Variants in CDK14 observed in about 807,000 individuals in gnomAD.
CDK14 encodes cyclin dependent kinase 14.
Under a neutral mutation model 60.7 loss-of-function variants are expected in CDK14, and 34 were observed. The observed-to-expected ratio is 0.56, with a 90% CI of 0.43 to 0.75. The LOEUF (loss-of-function observed/expected upper bound fraction) is 0.75. Among genes scored for constraint, CDK14 ranks in the 30% least tolerant of loss-of-function variants. The pLI, the probability that CDK14 is intolerant of heterozygous loss-of-function variation, is 0.00. For missense variants in CDK14, 482 were observed against 564.1 expected, an observed-to-expected ratio of 0.85 and a Z score of 1.47; for synonymous variants, 197 against 203.7, an observed-to-expected ratio of 0.97 and a Z score of 0.28.
chr7:91,062,089 C>G (rs895294648), intron 11 of CDK14, among the ~76,000 whole-genome samples: 1 of 152,206 alleles, frequency 6.6e-6, no homozygotes, highest in Non-Finnish European at 1.5e-5. Flanking sequence ...CTACTCAAGC[C>G]TCGGCAATGG....
intron 3 of CDK14, among the ~76,000 whole-genome samples, chr7:90,733,699 T>C (rs947957285): frequency 2.0e-5 from 3 of 152,242 alleles, no homozygotes; most frequent in African/African-American, 7.2e-5. Context: ...AGTGTATGTG[T>C]GTCTTTGCAC....
At chr7:90,625,654 A>C (rs1312906586) in intron 2 of CDK14, among the ~76,000 whole-genome samples, 9 of 152,220 alleles carry the variant, frequency 5.9e-5, no homozygotes. Context: ...TTTCTAAGAG[A>C]GAAGGCTTTG....
At chr7:91,139,832 C>G (rs1426496473) in intron 14 of CDK14, among the ~76,000 whole-genome samples, 1 of 102,662 alleles carries the variant, frequency 9.7e-6, no homozygotes, top group African/African-American at 3.1e-5. Context: ...TTCTTTCTTG[C>G]TCTTCCTTTC....
intron 2 of CDK14, among the ~76,000 whole-genome samples, chr7:90,634,126 G>T (rs893281078): frequency 6.7e-6 from 1 of 149,842 alleles, no homozygotes; most frequent in Non-Finnish European, 1.5e-5. Context: ...TTTCTTTTAT[G>T]ATTTTCTTTT....
chr7:91,034,939 T>TACAC (rs1424202298), intron 10 of CDK14, among the ~76,000 whole-genome samples: 15 of 94,512 alleles, frequency 1.6e-4, no homozygotes, highest in African/African-American at 6.0e-4. Flanking sequence ...CACACACACA[T>TACAC]ACACATACAC....
At chr7:91,202,395 A>T (rs978411113) in intron 14 of CDK14, among the ~76,000 whole-genome samples, 1 of 152,272 alleles carries the variant, frequency 6.6e-6, no homozygotes. Context: ...TGATTTATAT[A>T]CCTATGAGTG....
At chr7:90,976,352 C>T (rs546445175) in intron 9 of CDK14, among the ~76,000 whole-genome samples, 2 of 151,758 alleles carry the variant, frequency 1.3e-5, no homozygotes, top group East Asian at 1.9e-4. Context: ...TCATTTGTCC[C>T]CCCGCTTTTT....
intron 14 of CDK14, among the ~76,000 whole-genome samples, chr7:91,154,375 G>T (rs1156441020): frequency 2.0e-5 from 3 of 151,400 alleles, no homozygotes; most frequent in Admixed American, 6.6e-5. Flanking sequence ...CATGATTCAT[G>T]TTGCCATGAA....
At chr7:90,878,656 G>A (rs1216109590) in intron 6 of CDK14, among the ~76,000 whole-genome samples, 1 of 151,946 alleles carries the variant, frequency 6.6e-6, no homozygotes, top group Non-Finnish European at 1.5e-5. Context: ...ACAAAATATG[G>A]GTTTTGATTT....
intron 2 of CDK14, among the ~76,000 whole-genome samples, chr7:90,698,776 C>T (rs532672877): frequency 2.0e-5 from 3 of 152,152 alleles, no homozygotes; most frequent in Admixed American, 6.5e-5. Flanking sequence ...AAATTTTCCT[C>T]GTGTGTGCTG....
At chr7:91,176,479 A>G (rs1410071890) in intron 14 of CDK14, among the ~76,000 whole-genome samples, 3 of 152,224 alleles carry the variant, frequency 2.0e-5, no homozygotes, top group Non-Finnish European at 2.9e-5. Flanking sequence ...TGAAGGAAAT[A>G]GAGACCAAAA....
At chr7:91,181,618 CTT>C (rs954902775) in intron 14 of CDK14, among the ~76,000 whole-genome samples, 1 of 152,040 alleles carries the variant, frequency 6.6e-6, no homozygotes, top group African/African-American at 2.4e-5. Context: ...CCTGGGGAAT[CTT>C]TTTTATAGAA....
chr7:90,767,772 C>T lies in CDK14; in HGVS notation c.464+19997C>T, dbSNP rs113569250. On this transcript the variant is annotated intron_variant, in intron 4 of 14. Coordinates refer to ENST00000380050, the MANE Select transcript of CDK14 (RefSeq NM_001287135.2). ...AACTAATATTATAGTAAGAACTATA[C>T]CTGAAAAAATAAAATTTTTTCTAAT... 5.3e-5 allele frequency among the ~76,000 whole-genome samples: 8 copies of T among 152,246 alleles called. No homozygotes were observed. The South Asian group carries it at 1.5e-3, about 28-fold the overall frequency.
chr7:91,003,639 A>G (rs802387), intron 10 of CDK14, among the ~76,000 whole-genome samples: 88,379 of 151,782 alleles, frequency 0.58, 26,139 homozygotes, highest in East Asian at 0.71. Context: ...CACAGCATCA[A>G]ATTCCAGAAA....
intron 2 of CDK14, among the ~76,000 whole-genome samples, chr7:90,635,173 A>G (rs1800109087): frequency 1.3e-5 from 2 of 152,108 alleles, no homozygotes. Flanking sequence ...TTTTGTTGCC[A>G]TTGCTTTTGG....
chr7:90,841,659 TAC>T (rs57434660), intron 5 of CDK14, among the ~76,000 whole-genome samples: 10,382 of 139,330 alleles, frequency 0.075, 518 homozygotes, highest in Middle Eastern at 0.12. Context: ...TATATATATG[TAC>T]ACACACACAC....
intron 4 of CDK14, among the ~76,000 whole-genome samples, chr7:90,778,974 T>C (rs961019796): frequency 1.3e-5 from 2 of 151,616 alleles, no homozygotes; most frequent in African/African-American, 2.4e-5. Context: ...CATGGGCAAC[T>C]GGACACGGTG....
chr7:90,641,306 G>T (rs1395406032), intron 2 of CDK14, among the ~76,000 whole-genome samples: 1 of 151,918 alleles, frequency 6.6e-6, no homozygotes, highest in African/African-American at 2.4e-5. Context: ...AAAACGTGTC[G>T]ACACAGAAAC....
In CDK14 at chr7:90,781,780, C is replaced by T. The variant is rs866980392; in HGVS notation, c.465-8793C>T. On this transcript the variant is annotated intron_variant, in intron 4 of 14. Transcript: ENST00000380050. The stretch of plus-strand genomic sequence containing the variant: ...TGTTCTGTTCCATTGATCTATATCT[C>T]TGTTTTGGTACCAGTACCATGCTGT... Among the ~76,000 whole-genome samples the T allele has an allele frequency of 4.8e-3, 730 of 151,966 alleles. 3 individuals carry two copies. The highest frequency in any genetic ancestry group is 0.016 in the African/African-American group (659 of 41,460).
Sources: allele counts gnomAD v4.1 joint callset (sites outside exome capture counted in the v4.1 genomes callset), GRCh38; gene constraint gnomAD v4.1.1; transcripts MANE v1.5; gene names NCBI Gene and HGNC (gene_info 2026-07-23, HGNC 2026-07-21).